Variants in P2RY6 observed in about 807,000 individuals in gnomAD.
The protein encoded by P2RY6 is P2Y purinoceptor 6.
In P2RY6, 19 loss-of-function variants were observed where a neutral mutation model predicts 16.3. The observed-to-expected ratio is 1.16, with a 90% CI of 0.81 to 1.71. P2RY6 has a LOEUF of 1.71. Among genes scored for constraint, P2RY6 ranks in the 40% most tolerant of loss-of-function variants. The probability of loss-of-function intolerance (pLI) is 0.00; values close to 1 mark genes in which losing one functional copy is unlikely to be tolerated. For missense variants in P2RY6, 389 were observed against 455.5 expected, an observed-to-expected ratio of 0.85 and a Z score of 1.33; for synonymous variants, 184 against 201.5, an observed-to-expected ratio of 0.91 and a Z score of 0.74.
intron 1 of P2RY6, chr11:73,265,425 C>G (rs1161671104): frequency 6.6e-6 from 1 of 152,246 alleles, no homozygotes; most frequent in Non-Finnish European, 1.5e-5. Context: ...AAACACTGTT[C>G]TGATAAATTA....
At chr11:73,266,842 C>G (rs531451915) in intron 1 of P2RY6, among the ~76,000 whole-genome samples, 48 of 151,140 alleles carry the variant, frequency 3.2e-4, no homozygotes, top group African/African-American at 1.1e-3. Context: ...TACTGCTGCC[C>G]CAGAGGCCCT....
chr11:73,293,981 G>A (rs1360367882), intron 1 of P2RY6, among the ~76,000 whole-genome samples: 1 of 152,156 alleles, frequency 6.6e-6, no homozygotes, highest in Non-Finnish European at 1.5e-5. Context: ...GAGGAGAGGG[G>A]TCAGGGAGGG....
intron 1 of P2RY6, among the ~76,000 whole-genome samples, chr11:73,287,446 G>A (rs937617219): frequency 1.3e-5 from 2 of 152,224 alleles, no homozygotes; most frequent in Admixed American, 1.3e-4. Flanking sequence ...AGACTCTAGA[G>A]GGGAGAAGGG....
chr11:73,291,124 C>A lies in P2RY6; in HGVS notation c.-120-4606C>A, dbSNP rs369985736. 1.6e-4 allele frequency among the ~76,000 whole-genome samples: 24 copies of A among 152,206 alleles called. 1 individual carries two copies. Among genetic ancestry groups the A allele is most frequent in the Admixed American group, 1.0e-3 (16 of 15,280 alleles). On this transcript the variant is annotated intron_variant, in intron 1 of 2. Transcript: ENST00000540124. The stretch of plus-strand genomic sequence containing the variant: ...ATCTGTCAAGTGGGACCCCATGAGC[C>A]TTTCCTTCCCCTCTGAGGTTAGTCC...
Position 73,296,450 on chromosome 11 carries a change from G to A in P2RY6, c.-34-35G>A, listed in dbSNP as rs187792546. 1.8e-5 allele frequency: 28 copies of A among 1,564,428 alleles called. No homozygotes were observed. In the East Asian group the frequency reaches 6.3e-4, roughly 35 times the overall value. ...GCAGGGCCTGCTGGGTGGTGAGTGA[G>A]CATGTCACTGACAGGCTGTGTATTG... On this transcript the variant is annotated intron_variant, in intron 2 of 2. Transcript: ENST00000540124.
chr11:73,296,918 C>A lies in P2RY6; in HGVS notation c.400C>A (p.Pro134Thr), dbSNP rs1176747573. ...CCTGGGCATCTGCCACCCGCTGGCC[C>A]CCTGGCACAAACGTGGGGGCCGCCG... Reference protein sequence around the residue: ...RYLGICHPLAPWHKRGGRRAA... With the variant: ...RYLGICHPLATWHKRGGRRAA... Residue 134 changes from proline to threonine, a missense_variant, in exon 3 of 3, where the codon CCC (proline) becomes ACC (threonine). By Grantham distance (38) the Pro-to-Thr change is conservative. Coordinates refer to ENST00000540124, the MANE Select transcript of P2RY6 (RefSeq NM_001277204.2). The A allele has an allele frequency of 1.9e-6, 3 of 1,608,850 alleles. No homozygotes were observed. The highest frequency in any genetic ancestry group is 2.5e-6 in the Non-Finnish European group (3 of 1,180,002).
chr11:73,293,907 T>A (rs1864373387), intron 1 of P2RY6, among the ~76,000 whole-genome samples: 1 of 151,800 alleles, frequency 6.6e-6, no homozygotes, highest in African/African-American at 2.4e-5. Context: ...AGCACCCCTC[T>A]AGCATGTTCT....
intron 1 of P2RY6, among the ~76,000 whole-genome samples, chr11:73,286,696 C>T (rs1284149875): frequency 6.6e-6 from 1 of 152,116 alleles, no homozygotes; most frequent in Non-Finnish European, 1.5e-5. Flanking sequence ...CTATACTGGT[C>T]TCTGAGGCTC....
Position 73,277,153 on chromosome 11 carries a change from G to A in P2RY6, c.-121+4687G>A, listed in dbSNP as rs531630032. Reference sequence around the variant, plus strand: ...TTTTGAGACACAGTTTCACTCTGTCGCCCAGGCTGAAGTGCAGTGGCACAA... The same window carrying A: ...TTTTGAGACACAGTTTCACTCTGTCACCCAGGCTGAAGTGCAGTGGCACAA... On this transcript the variant is annotated intron_variant, in intron 1 of 2. Coordinates refer to ENST00000540124, the MANE Select transcript of P2RY6 (RefSeq NM_001277204.2). Among the ~76,000 whole-genome samples the A allele has an allele frequency of 1.1e-3, 164 of 149,466 alleles. 3 individuals are homozygous for A. Among genetic ancestry groups the A allele is most frequent in the Admixed American group, 3.0e-3 (45 of 14,964 alleles).
In P2RY6 at chr11:73,280,880, G is replaced by C. The variant is rs146177155; in HGVS notation, c.-121+8414G>C. On this transcript the variant is annotated intron_variant, in intron 1 of 2. Coordinates refer to ENST00000540124, the MANE Select transcript of P2RY6 (RefSeq NM_001277204.2). ...TATCCTCAGGCACTGGGAAGATATA[G>C]AGAGGGCGTAGAAAGAGAAACAATG... Among the ~76,000 whole-genome samples, 501 of 152,308 alleles carry C rather than the reference G, an allele frequency of 3.3e-3. 4 individuals are homozygous for C. The highest frequency in any genetic ancestry group is 0.012 in the African/African-American group (482 of 41,552).
intron 1 of P2RY6, chr11:73,292,897 T>C (rs1212601682): frequency 1.1e-5 from 11 of 976,364 alleles, no homozygotes; most frequent in Non-Finnish European, 1.3e-5. Context: ...ACCACCAGCG[T>C]GCTGCAGGGA....
rs112824040 is a variant in P2RY6, at chr11:73,282,825, T to A, written c.-121+10359T>A. ...GCAAGGGAAGTCATTTCTCATGAGT[T>A]TGGCTGGTCTATGATAAAATTATGG... On this transcript the variant is annotated intron_variant, in intron 1 of 2. Coordinates refer to ENST00000540124, the MANE Select transcript of P2RY6 (RefSeq NM_001277204.2). Among the ~76,000 whole-genome samples, 493 of 152,266 alleles carry A rather than the reference T, an allele frequency of 3.2e-3. 10 individuals are homozygous for A. The East Asian group carries it at 0.076, about 24-fold the overall frequency.
intron 1 of P2RY6, among the ~76,000 whole-genome samples, chr11:73,291,306 T>A (rs1273775955): frequency 6.6e-6 from 1 of 152,202 alleles, no homozygotes; most frequent in African/African-American, 2.4e-5. Flanking sequence ...TGCCCTGCCC[T>A]GCCTTGGGGC....
chr11:73,279,441 A>G (rs760364985), intron 1 of P2RY6, among the ~76,000 whole-genome samples: 3 of 152,230 alleles, frequency 2.0e-5, no homozygotes, highest in Non-Finnish European at 4.4e-5. Context: ...CAGGGTGGTT[A>G]GGGATATTTT....
At chr11:73,291,223 T>C (rs548325383) in intron 1 of P2RY6, among the ~76,000 whole-genome samples, 1 of 152,306 alleles carries the variant, frequency 6.6e-6, no homozygotes, top group East Asian at 1.9e-4. Context: ...TAAGGCATGA[T>C]AGGGACAGCT....
intron 1 of P2RY6, among the ~76,000 whole-genome samples, chr11:73,281,286 C>T (rs925748461): frequency 6.6e-6 from 1 of 152,206 alleles, no homozygotes; most frequent in Non-Finnish European, 1.5e-5. Flanking sequence ...AGACCAGACA[C>T]TCAGGGTGCT....
chr11:73,279,060 A>G (rs1372800401), intron 1 of P2RY6, among the ~76,000 whole-genome samples: 1 of 146,764 alleles, frequency 6.8e-6, no homozygotes, highest in Non-Finnish European at 1.5e-5. Context: ...TTTTTTTTTA[A>G]TAATAGCCAT....
intron 1 of P2RY6, among the ~76,000 whole-genome samples, chr11:73,285,667 A>G (rs1471151436): frequency 6.6e-6 from 1 of 152,180 alleles, no homozygotes; most frequent in Non-Finnish European, 1.5e-5. Flanking sequence ...TCCTCCTCCC[A>G]AAAGAAGAGA....
intron 1 of P2RY6, among the ~76,000 whole-genome samples, chr11:73,291,142 G>T (rs1056123428): frequency 6.6e-6 from 1 of 152,180 alleles, no homozygotes; most frequent in Non-Finnish European, 1.5e-5. Context: ...CCCCTCTGAG[G>T]TTAGTCCAAG....
Sources: gnomAD v4.1 joint callset for allele counts (sites outside exome capture counted in the v4.1 genomes callset) on GRCh38, gnomAD v4.1.1 for gene constraint, MANE v1.5 for transcripts, NCBI Gene and HGNC (gene_info 2026-07-23, HGNC 2026-07-21) for gene names.